The following PFKL variants were observed in gnomAD, a reference collection of about 807,000 sequenced individuals.
PFKL encodes the protein phosphofructokinase, liver type.
In PFKL, 74 loss-of-function variants were observed where a neutral mutation model predicts 92.1. That is an observed-to-expected ratio of 0.80 (90% CI 0.67 to 0.97). The LOEUF is 0.97. Ranked by LOEUF, PFKL falls within the 50% of genes least tolerant of loss-of-function variation. PFKL has a pLI of 0.00. For synonymous variants in PFKL, 494 were observed against 456.4 expected (o/e 1.08, Z -1.05); for missense variants, 1,028 against 1,116.6 (o/e 0.92, Z 1.13).
intron 1 of PFKL, among the ~76,000 whole-genome samples, chr21:44,303,871 G>A (rs955815751): frequency 6.6e-6 from 1 of 152,158 alleles, no homozygotes; most frequent in African/African-American, 2.4e-5. Flanking sequence ...CAGGCCCACT[G>A]TCCTGCCTGC....
At chr21:44,311,821 C>T (rs550197846) in intron 3 of PFKL, among the ~76,000 whole-genome samples, 18 of 152,292 alleles carry the variant, frequency 1.2e-4, no homozygotes, top group African/African-American at 3.6e-4. Flanking sequence ...GCAACCTATG[C>T]GTGTGTGTAC....
chr21:44,325,546 G>A (rs373915047), intron 19 of PFKL: 19 of 542,368 alleles, frequency 3.5e-5, no homozygotes, highest in South Asian at 8.4e-5. Context: ...CACTTCCGCC[G>A]AACCCCTCAC....
chr21:44,325,303 C>T (rs1568973661), intron 19 of PFKL, 39 bp downstream of exon 19: 2 of 1,342,672 alleles, frequency 1.5e-6, no homozygotes, highest in Non-Finnish European at 2.1e-6. Flanking sequence ...GCCTGCCCCT[C>T]TTTCCTGCCA....
At position 44,327,212 on chromosome 21, in the gene PFKL, C is replaced by G. The variant is rs919726996; in HGVS notation, c.*350C>G. The G allele has an allele frequency of 1.3e-4, 42 of 312,778 alleles. 1 individual carries two copies. In the East Asian group the frequency reaches 2.2e-3, roughly 17 times the overall value. 19.4% of individuals were successfully genotyped at this position (312,778 alleles called of 1,614,324 possible). A position where few individuals can be genotyped will look rare whatever the true frequency, so the allele number is the denominator to read the frequency against. On this transcript the variant is annotated 3_prime_UTR_variant, in exon 22 of 22. Transcript: ENST00000349048. ...GCTGGGCTCACTACATGGGCCAGCC[C>G]TTGCTCTACCTGGCCGGTAGGCTGC... is the stretch of plus-strand genomic sequence containing the variant.
intron 1 of PFKL, 144 bp downstream of exon 1, chr21:44,300,334 C>A: frequency 4.2e-6 from 1 of 238,902 alleles, no homozygotes. Context: ...CGGCCTCCTG[C>A]CCCGGGTCTG....
rs374308622 is a variant in PFKL, at chr21:44,326,093, T to C, written c.2089+33T>C. On this transcript the variant is annotated intron_variant, in intron 20 of 21. Transcript: ENST00000349048. ...GTGGGTGCGACCCGAGGCCTCACTT[T>C]GCCCTCCCCTGGCTCCCTGGGGCAG... 4.9e-5 allele frequency: 78 copies of C among 1,607,242 alleles called. No individual in the cohort carries two copies. The Middle Eastern group carries it at 6.6e-4, about 14-fold the overall frequency.
chr21:44,326,324 C>A, intron 21 of PFKL, 60 bp downstream of exon 21: 1 of 1,319,100 alleles, frequency 7.6e-7, no homozygotes, highest in South Asian at 1.3e-5. Flanking sequence ...CAGACCTTCC[C>A]TGAGGCAGGT....
At chr21:44,319,461 C>T (rs763341005) in intron 11 of PFKL, 46 bp downstream of exon 11, 92 of 1,505,710 alleles carry the variant, frequency 6.1e-5, no homozygotes, top group African/African-American at 1.9e-4. Context: ...GGCTGGGTCC[C>T]GGTGCCAGGC....
chr21:44,326,944 G>T lies in PFKL; in HGVS notation c.*82G>T. 1 of 1,334,062 alleles carries T rather than the reference G, an allele frequency of 7.5e-7. No individual in the cohort carries two copies. The allele number at this position is 1,334,062 out of a possible 1,614,324, so 82.6% of individuals were successfully genotyped here. Reference sequence around the variant, plus strand: ...GCTCAGATGGGGCCTGGGCTGTTGTGTCTGGAGCCTGCAGGCAGGTGGGGG... The same window carrying T: ...GCTCAGATGGGGCCTGGGCTGTTGTTTCTGGAGCCTGCAGGCAGGTGGGGG... On this transcript the variant is annotated 3_prime_UTR_variant, in exon 22 of 22. Coordinates refer to ENST00000349048, the MANE Select transcript of PFKL (RefSeq NM_002626.6).
chr21:44,323,275 G>A (rs935053004), intron 15 of PFKL, among the ~76,000 whole-genome samples: 5 of 152,122 alleles, frequency 3.3e-5, no homozygotes, highest in Admixed American at 6.5e-5. Context: ...GTGTGGGCTC[G>A]GGAGGGTTCT....
chr21:44,320,299 C>T (rs901298121), intron 12 of PFKL, 152 bp downstream of exon 12: 1 of 585,106 alleles, frequency 1.7e-6, no homozygotes, highest in Admixed American at 3.2e-5. Flanking sequence ...TGACCTCTGC[C>T]TGGGCTCAGG....
chr21:44,306,933 G>GA (rs1312440711), intron 2 of PFKL, among the ~76,000 whole-genome samples, 179 bp downstream of exon 2: 4 of 152,226 alleles, frequency 2.6e-5, no homozygotes, highest in African/African-American at 9.6e-5. Flanking sequence ...GGCATCTGCA[G>GA]AAAGAAGACC....
At chr21:44,318,194 C>T (rs553293649) in intron 9 of PFKL, among the ~76,000 whole-genome samples, 39 of 152,320 alleles carry the variant, frequency 2.6e-4, no homozygotes, top group Admixed American at 1.4e-3. Flanking sequence ...GCGATGGCAG[C>T]GAGCGACGGT....
chr21:44,321,024 C>T (rs2047341540), intron 12 of PFKL: 2 of 152,408 alleles, frequency 1.3e-5, no homozygotes, highest in South Asian at 4.1e-4. Flanking sequence ...CGTGGTGGGG[C>T]AACCTGGTCT....
intron 12 of PFKL, chr21:44,320,469 T>C (rs1030299298): frequency 4.6e-6 from 1 of 219,320 alleles, no homozygotes; most frequent in African/African-American, 2.3e-5. Context: ...CTCACACCTG[T>C]AATCCCAGCA....
chr21:44,303,441 A>AAAAAAAGCCCTGATCG (rs1555874959), intron 1 of PFKL, among the ~76,000 whole-genome samples: 1 of 97,096 alleles, frequency 1.0e-5, no homozygotes, highest in Non-Finnish European at 1.9e-5. Flanking sequence ...ACCAAAAAAA[A>AAAAAAAGCCCTGATCG]AAAAAAAAAA....
At position 44,301,109 on chromosome 21, in the gene PFKL, C is replaced by T. The variant is rs143547012; in HGVS notation, c.85+919C>T. Among the ~76,000 whole-genome samples the T allele has an allele frequency of 4.6e-5, 7 of 152,308 alleles. No homozygotes were observed. The East Asian group carries it at 9.7e-4, about 21-fold the overall frequency. ...TGGTTGAGAAAATGCGGACACACAC[C>T]CCCACCCAGCTTCAGGCACCTGACC... is the stretch of plus-strand genomic sequence containing the variant. On this transcript the variant is annotated intron_variant, in intron 1 of 21. Transcript: ENST00000349048.
chr21:44,305,207 A>C, intron 1 of PFKL: 1 of 1,245,328 alleles, frequency 8.0e-7, no homozygotes. Flanking sequence ...GGTGGCAGAT[A>C]CTCTGGCTGC....
At position 44,316,522 on chromosome 21, in the gene PFKL, C is replaced by T. The variant is rs772821719; in HGVS notation, c.934C>T (p.Leu312=). The change falls in exon 9 of 22, where the codon CTG becomes TTG. Residue 312 remains leucine, a splice_region_variant and synonymous_variant. Coordinates refer to ENST00000349048, the MANE Select transcript of PFKL (RefSeq NM_002626.6). ...GGTPSAFDRI[L]SSKMGMEAVM... ...GACGCCCTCTGCCTTCGACCGGATCCTGGTAAGTGGCCATCACCCTGCCCT... is the reference window on the plus strand; with the variant it reads ...GACGCCCTCTGCCTTCGACCGGATCTTGGTAAGTGGCCATCACCCTGCCCT... The T allele has an allele frequency of 6.7e-5, 106 of 1,591,740 alleles. No homozygotes were observed. Among genetic ancestry groups the T allele is most frequent in the Non-Finnish European group, 9.0e-5 (105 of 1,166,908 alleles).
Sources: gnomAD v4.1 joint callset for allele counts (sites outside exome capture counted in the v4.1 genomes callset) on GRCh38, gnomAD v4.1.1 for gene constraint, MANE v1.5 for transcripts, NCBI Gene and HGNC (gene_info 2026-07-23, HGNC 2026-07-21) for gene names.